RHAG: variants seen among roughly 807,000 people sequenced by gnomAD.
The protein encoded by RHAG is Rh associated glycoprotein, also known as ammonium transporter Rh type A.
Under a neutral mutation model 42.4 loss-of-function variants are expected in RHAG, and 25 were observed. The ratio of observed to expected loss-of-function variants is 0.59; its 90% CI spans 0.43 to 0.82. RHAG has a LOEUF of 0.82. RHAG is among the 40% of genes least tolerant of loss of function. The pLI, the probability that RHAG is intolerant of heterozygous loss-of-function variation, is 0.00. For synonymous variants in RHAG, 182 were observed against 177.7 expected (o/e 1.02, Z -0.19); for missense variants, 483 against 504.6 (o/e 0.96, Z 0.41).
At chr6:49,623,752 T>C (rs560185844) in intron 1 of RHAG, among the ~76,000 whole-genome samples, 9 of 152,310 alleles carry the variant, frequency 5.9e-5, no homozygotes, top group Middle Eastern at 3.4e-3. Flanking sequence ...GGGCTCAAAG[T>C]GTTAAGGGTG....
intron 1 of RHAG, among the ~76,000 whole-genome samples, chr6:49,620,079 T>C (rs1050338261): frequency 2.0e-5 from 3 of 152,174 alleles, no homozygotes; most frequent in African/African-American, 7.2e-5. Context: ...CATGAAGCAT[T>C]AATAAACATA....
At position 49,618,163 on chromosome 6, in the gene RHAG, G is replaced by A. The variant is rs200507770; in HGVS notation, c.397C>T (p.Leu133=). 6.2e-7 allele frequency: 1 copy of A among 1,614,054 alleles called. No homozygotes were observed. Among genetic ancestry groups the A allele is most frequent in the Non-Finnish European group, 8.5e-7 (1 of 1,179,988 alleles). The change falls in exon 3 of 10, where the codon CTG becomes TTG. Residue 133 remains leucine (L), a synonymous_variant. Transcript: ENST00000371175. ...ATVLISFGAV[L]GKTSPTQMLI... is the part of the protein sequence containing the mutation. ...ATTTGGGTGGGGCTCGTTTTTCCCA[G>A]GACAGCTCCAAAAGATATCAGAACT...
rs772316350 is a variant in RHAG at position 49,607,443 on chromosome 6, T to C, written c.1068-223A>G. Among the ~76,000 whole-genome samples the C allele has an allele frequency of 2.4e-4, 37 of 152,348 alleles. 1 individual carries two copies. The highest frequency in any genetic ancestry group is 4.7e-4 in the Non-Finnish European group (32 of 68,018). ...AGATACACCTTAAAGAAGAGAATCA[T>C]CTTTTCATGTAAACTTTGGAAATAA... On this transcript the variant is annotated intron_variant, in intron 7 of 9. Transcript: ENST00000371175.
At chr6:49,628,705 G>T (rs1422722530) in intron 1 of RHAG, among the ~76,000 whole-genome samples, 3 of 151,924 alleles carry the variant, frequency 2.0e-5, no homozygotes, top group Admixed American at 1.3e-4. Flanking sequence ...GAGTGAAGCT[G>T]CAGACCTTCG....
At chr6:49,627,937 G>A (rs1381042512) in intron 1 of RHAG, among the ~76,000 whole-genome samples, 2 of 152,058 alleles carry the variant, frequency 1.3e-5, no homozygotes, top group Non-Finnish European at 2.9e-5. Context: ...TTTGGTTGGG[G>A]ACACACAGCC....
At chr6:49,628,074 A>C (rs1298196227) in intron 1 of RHAG, among the ~76,000 whole-genome samples, 1 of 152,058 alleles carries the variant, frequency 6.6e-6, no homozygotes, top group East Asian at 1.9e-4. Flanking sequence ...AGATATGTAT[A>C]TATGCCAGCT....
chr6:49,614,622 T>G, intron 5 of RHAG, 65 bp downstream of exon 5: 1 of 1,363,796 alleles, frequency 7.3e-7, no homozygotes, highest in African/African-American at 1.4e-5. Flanking sequence ...AATTACCTAC[T>G]ACTTATCTGA....
chr6:49,616,927 G>A (rs1251770450), intron 3 of RHAG, among the ~76,000 whole-genome samples: 1 of 152,114 alleles, frequency 6.6e-6, no homozygotes, highest in East Asian at 1.9e-4. Flanking sequence ...ATCATGCTTG[G>A]ACTTTCCAAA....
chr6:49,607,890 A>C lies in RHAG; in HGVS notation c.1068-670T>G, dbSNP rs184822935. ...ACTGAATGAGTGACTCCAATGAATA[A>C]AACAATTGGAAAATAAGAGTTTTTT... On this transcript the variant is annotated intron_variant, in intron 7 of 9. Coordinates refer to ENST00000371175, the MANE Select transcript of RHAG (RefSeq NM_000324.3). Among the ~76,000 whole-genome samples, 40 of 152,308 alleles carry C rather than the reference A, an allele frequency of 2.6e-4. No individual in the cohort carries two copies. In the South Asian group the frequency reaches 5.4e-3, roughly 21 times the overall value.
chr6:49,607,037 C>T, intron 8 of RHAG, 113 bp downstream of exon 8: 1 of 1,211,762 alleles, frequency 8.3e-7, no homozygotes, highest in Non-Finnish European at 1.2e-6. Context: ...AATTACTTTA[C>T]TGCCAGAAGT....
chr6:49,612,605 A>G, intron 5 of RHAG, 71 bp from the exon 6 acceptor site: 1 of 1,548,212 alleles, frequency 6.5e-7, no homozygotes, highest in Non-Finnish European at 8.9e-7. Flanking sequence ...AGAGGATTCT[A>G]GAGTTCAAGA....
chr6:49,607,255 C>G (rs1049006188), intron 7 of RHAG, 35 bp from the exon 8 acceptor site: 3 of 1,569,372 alleles, frequency 1.9e-6, no homozygotes, highest in South Asian at 1.1e-5. Flanking sequence ...CAGTGTCTTT[C>G]CTGGATCTCA....
chr6:49,608,458 C>T (rs1762512883), intron 7 of RHAG, among the ~76,000 whole-genome samples: 1 of 144,194 alleles, frequency 6.9e-6, no homozygotes, highest in Non-Finnish European at 1.6e-5. Context: ...CAGCTCACTG[C>T]TGTCTCCTCC....
rs79716149 is a variant in RHAG, at chr6:49,609,774, T to C, written c.1067+1250A>G. 1.1e-3 allele frequency among the ~76,000 whole-genome samples: 163 copies of C among 152,378 alleles called. 1 individual carries two copies. Among genetic ancestry groups the C allele is most frequent in the African/African-American group, 3.7e-3 (152 of 41,586 alleles). ...CTGCTAAAACTGAAGATAAGATTTTTCTTTTTAAATTATGCACCTCTAGTT... is the reference window on the plus strand; with the variant it reads ...CTGCTAAAACTGAAGATAAGATTTTCCTTTTTAAATTATGCACCTCTAGTT... On this transcript the variant is annotated intron_variant, in intron 7 of 9. Coordinates refer to ENST00000371175, the MANE Select transcript of RHAG (RefSeq NM_000324.3).
chr6:49,629,818 G>A (rs1417974175), intron 1 of RHAG, among the ~76,000 whole-genome samples: 4 of 151,660 alleles, frequency 2.6e-5, no homozygotes, highest in Non-Finnish European at 5.9e-5. Context: ...GCCCGGGGCC[G>A]GCAGGGCCAG....
chr6:49,620,989 C>T (rs1368584892), intron 1 of RHAG, among the ~76,000 whole-genome samples: 2 of 152,302 alleles, frequency 1.3e-5, no homozygotes, highest in South Asian at 2.1e-4. Context: ...GAACTCCAAC[C>T]TGACTTTCCT....
At chr6:49,617,790 C>T (rs1001501843) in intron 3 of RHAG, among the ~76,000 whole-genome samples, 1 of 152,216 alleles carries the variant, frequency 6.6e-6, no homozygotes, top group Non-Finnish European at 1.5e-5. Flanking sequence ...TTCAGACTCT[C>T]GCAAGCCATT....
intron 1 of RHAG, among the ~76,000 whole-genome samples, chr6:49,630,513 T>A (rs888325913): frequency 6.6e-6 from 1 of 152,222 alleles, no homozygotes; most frequent in African/African-American, 2.4e-5. Context: ...TGGCAATCTT[T>A]TGAACCAATG....
At chr6:49,614,619 T>G in intron 5 of RHAG, 68 bp downstream of exon 5, 1 of 1,327,906 alleles carries the variant, frequency 7.5e-7, no homozygotes, top group South Asian at 1.2e-5. Flanking sequence ...AGAAATTACC[T>G]ACTACTTATC....
Sources: allele counts gnomAD v4.1 joint callset (sites outside exome capture counted in the v4.1 genomes callset), GRCh38; gene constraint gnomAD v4.1.1; transcripts MANE v1.5; gene names NCBI Gene and HGNC (gene_info 2026-07-23, HGNC 2026-07-21).